Variants in PLB1 observed in about 807,000 individuals in gnomAD.
PLB1 encodes phospholipase B1, membrane-associated.
Under a neutral mutation model 227.4 loss-of-function variants are expected in PLB1, and 242 were observed. The observed-to-expected ratio is 1.06, with a 90% CI of 0.96 to 1.18. The LOEUF is 1.18. Ranked by LOEUF, PLB1 falls within the 50% of genes most tolerant of loss-of-function variation. The pLI, the probability that PLB1 is intolerant of heterozygous loss-of-function variation, is 0.00. For missense variants in PLB1, 1,858 were observed against 1,816.3 expected (o/e 1.02, Z -0.42); for synonymous variants, 757 against 682.2 (o/e 1.11, Z -1.71).
chr2:28,512,458 C>CT (rs1277382654), intron 1 of PLB1, among the ~76,000 whole-genome samples: 3 of 152,072 alleles, frequency 2.0e-5, no homozygotes, highest in South Asian at 4.1e-4. Flanking sequence ...CATTGATTGC[C>CT]TTTTTTCTTC....
At position 28,598,063 on chromosome 2, in the gene PLB1, G is replaced by T. The variant is rs372322976; in HGVS notation, c.2365+15G>T. 15 of 1,608,630 alleles carry T rather than the reference G, an allele frequency of 9.3e-6. No individual in the cohort carries two copies. The African/African-American group carries it at 2.0e-4, about 22-fold the overall frequency. On this transcript the variant is annotated intron_variant, in intron 34 of 57. Transcript: ENST00000327757. ...CACCTTACCTAGTAAGTAACCATCA[G>T]GGGCTTGAATCTGTCTACTGTTCCA...
chr2:28,588,438 T>C (rs566582536), intron 26 of PLB1, among the ~76,000 whole-genome samples: 1 of 152,180 alleles, frequency 6.6e-6, no homozygotes, highest in African/African-American at 2.4e-5. Context: ...GACCACTGGC[T>C]TGGGAGGTCA....
At chr2:28,598,076 G>A (rs372150587) in intron 34 of PLB1, 28 bp downstream of exon 34, 28 of 1,598,532 alleles carry the variant, frequency 1.8e-5, no homozygotes, top group Non-Finnish European at 2.3e-5. Context: ...GCTTGAATCT[G>A]TCTACTGTTC....
chr2:28,640,913 T>TTC lies in PLB1; in HGVS notation c.4099-5_4099-4dup. 6.2e-7 allele frequency: 1 copy of TTC among 1,611,452 alleles called. No individual in the cohort carries two copies. The highest frequency in any genetic ancestry group is 8.5e-7 in the Non-Finnish European group (1 of 1,178,456). On this transcript the variant is annotated splice_polypyrimidine_tract_variant and intron_variant, in intron 56 of 57. Transcript: ENST00000327757. ...GCTTTGGAGAGAATCGAGGTGTCCT[T>TTC]TCTCTCTCTCCAGCTGGAACCAGTG...
rs138131152 is a variant in PLB1, at chr2:28,639,651, C to T, written c.4099-1276C>T. On this transcript the variant is annotated intron_variant, in intron 56 of 57. Transcript: ENST00000327757. ...TGCACTCATCAAACCCTTGTAATCACGATCATCTTCTGTGTGAATTAGTTC... is the reference window on the plus strand; with the variant it reads ...TGCACTCATCAAACCCTTGTAATCATGATCATCTTCTGTGTGAATTAGTTC... Among the ~76,000 whole-genome samples the T allele has an allele frequency of 1.3e-4, 20 of 152,322 alleles. No individual in the cohort carries two copies. The East Asian group carries it at 2.5e-3, about 19-fold the overall frequency.
Position 28,640,956 on chromosome 2 carries a change from C to T in PLB1, c.4128C>T (p.Ser1376=), listed in dbSNP as rs1253933123. 5.0e-6 allele frequency: 8 copies of T among 1,613,938 alleles called. No individual in the cohort carries two copies. Among genetic ancestry groups the T allele is most frequent in the Non-Finnish European group, 5.1e-6 (6 of 1,179,904 alleles). The stretch of plus-strand genomic sequence containing the variant: ...AACCAGTGGGCCGCAAGACTACCTC[C>T]AACAACTTCACCCACAGCCGAGCCA... The part of the protein sequence containing the change: ...MLEPVGRKTT[S]NNFTHSRAKL... The change falls in exon 57 of 58, where the codon TCC becomes TCT. Residue 1376 remains serine, a synonymous_variant. Coordinates refer to ENST00000327757, the MANE Select transcript of PLB1 (RefSeq NM_153021.5).
intron 49 of PLB1, among the ~76,000 whole-genome samples, chr2:28,622,967 T>C (rs146984032): frequency 1.3e-4 from 20 of 152,258 alleles, no homozygotes; most frequent in African/African-American, 4.6e-4. Context: ...GAGCTTGCAC[T>C]CTAGGTAAGG....
rs1340202408 is a variant in PLB1 at position 28,605,929 on chromosome 2, G to C, written c.3038G>C (p.Arg1013Thr). Residue 1013 changes from arginine to threonine, a missense_variant, in exon 42 of 58, where the codon AGA becomes ACA. By Grantham distance (71) the Arg-to-Thr change is moderately conservative. Coordinates refer to ENST00000327757, the MANE Select transcript of PLB1 (RefSeq NM_153021.5). ...CAGAAATTCCACTCCCAGCTGGCCA[G>C]AGCCCTTTGGACCAATATGGTAAAA... ...PNQKFHSQLA[R>T]ALWTNMLEPL... 1 of 1,612,198 alleles carries C rather than the reference G, an allele frequency of 6.2e-7. No individual in the cohort carries two copies. The highest frequency in any genetic ancestry group is 8.5e-7 in the Non-Finnish European group (1 of 1,178,252).
chr2:28,622,745 G>C (rs1433394508), intron 49 of PLB1, among the ~76,000 whole-genome samples: 1 of 152,146 alleles, frequency 6.6e-6, no homozygotes, highest in African/African-American at 2.4e-5. Flanking sequence ...AATTAGCTGG[G>C]TGTGATGGTA....
chr2:28,567,355 T>G (rs1483161689), intron 20 of PLB1, among the ~76,000 whole-genome samples: 1 of 152,090 alleles, frequency 6.6e-6, no homozygotes, highest in Non-Finnish European at 1.5e-5. Flanking sequence ...CCGCTGCTAT[T>G]GCCGCAGGAG....
At chr2:28,504,469 G>T (rs116809589) in intron 1 of PLB1, among the ~76,000 whole-genome samples, 3 of 152,132 alleles carry the variant, frequency 2.0e-5, no homozygotes, top group Non-Finnish European at 4.4e-5. Flanking sequence ...AGGGCCAGGC[G>T]CAGTGGCTCA....
At chr2:28,520,326 C>T (rs1669354006) in intron 4 of PLB1, among the ~76,000 whole-genome samples, 1 of 151,820 alleles carries the variant, frequency 6.6e-6, no homozygotes, top group African/African-American at 2.4e-5. Flanking sequence ...TCCATTAATA[C>T]ATTAAATCAA....
intron 33 of PLB1, among the ~76,000 whole-genome samples, chr2:28,597,170 A>G (rs917275913): frequency 1.3e-5 from 2 of 151,426 alleles, no homozygotes; most frequent in Admixed American, 6.6e-5. Flanking sequence ...AGGCTGAGGC[A>G]GGAGAATGGC....
intron 1 of PLB1, among the ~76,000 whole-genome samples, chr2:28,498,089 C>T (rs1666680824): frequency 6.6e-6 from 1 of 151,766 alleles, no homozygotes; most frequent in Admixed American, 6.6e-5. Context: ...AATAACTCCT[C>T]TCCTACCTCG....
intron 32 of PLB1, among the ~76,000 whole-genome samples, chr2:28,593,159 A>T (rs993917525): frequency 6.6e-6 from 1 of 152,162 alleles, no homozygotes; most frequent in African/African-American, 2.4e-5. Flanking sequence ...AACTTCCAAG[A>T]AATGGGGCTA....
intron 20 of PLB1, among the ~76,000 whole-genome samples, chr2:28,571,988 A>G (rs549452291): frequency 2.0e-5 from 3 of 152,364 alleles, no homozygotes; most frequent in Admixed American, 2.0e-4. Context: ...AAGACAGCCC[A>G]AAGAGTGGAA....
intron 1 of PLB1, among the ~76,000 whole-genome samples, chr2:28,503,540 T>C (rs1667330545): frequency 6.6e-6 from 1 of 152,218 alleles, no homozygotes; most frequent in Non-Finnish European, 1.5e-5. Context: ...CCACTTCATT[T>C]ACTCACAGTT....
At chr2:28,534,588 G>A (rs1671430601) in intron 9 of PLB1, among the ~76,000 whole-genome samples, 1 of 152,214 alleles carries the variant, frequency 6.6e-6, no homozygotes, top group Non-Finnish European at 1.5e-5. Flanking sequence ...GGGCGCGGTG[G>A]CTCACGCCTG....
chr2:28,566,441 C>G (rs890240940), intron 19 of PLB1: 3 of 216,224 alleles, frequency 1.4e-5, no homozygotes, highest in South Asian at 2.5e-4. Flanking sequence ...AAAAATAGGG[C>G]CAATAATATT....
Sources: gnomAD v4.1 joint callset for allele counts (sites outside exome capture counted in the v4.1 genomes callset) on GRCh38, gnomAD v4.1.1 for gene constraint, MANE v1.5 for transcripts, NCBI Gene and HGNC (gene_info 2026-07-23, HGNC 2026-07-21) for gene names.